EPHX1: variants seen among roughly 807,000 people sequenced by gnomAD.
EPHX1 encodes epoxide hydrolase 1.
Under a neutral mutation model 43.2 loss-of-function variants are expected in EPHX1, and 40 were observed. That is an observed-to-expected ratio of 0.93 (90% CI 0.72 to 1.21). The LOEUF (loss-of-function observed/expected upper bound fraction) is 1.21, where lower values mean the gene tolerates loss of function less well. EPHX1 is among the 50% of genes most tolerant of loss of function. The pLI, the probability that EPHX1 is intolerant of heterozygous loss-of-function variation, is 0.00. For missense variants in EPHX1, 550 were observed against 570.4 expected (o/e 0.96, Z 0.36); for synonymous variants, 221 against 226.7 (o/e 0.98, Z 0.22).
intron 3 of EPHX1, among the ~76,000 whole-genome samples, chr1:225,833,054 G>A (rs1044247129): frequency 2.2e-4 from 33 of 152,182 alleles, no homozygotes; most frequent in African/African-American, 7.7e-4. Flanking sequence ...ATTCACAGGC[G>A]TGATCATGGC....
At chr1:225,816,345 T>TA (rs148728123) in intron 1 of EPHX1, among the ~76,000 whole-genome samples, 18,301 of 151,842 alleles carry the variant, frequency 0.12, 1,257 homozygotes, top group East Asian at 0.23. Context: ...TTTAAAAGAT[T>TA]AAAAAAAGAG....
intron 7 of EPHX1, among the ~76,000 whole-genome samples, chr1:225,843,436 C>T (rs1668604725): frequency 6.6e-6 from 1 of 152,228 alleles, no homozygotes. Context: ...GGCAGGTCCT[C>T]ACCTCCTCCA....
chr1:225,835,006 G>GC (rs1211281628), intron 3 of EPHX1, among the ~76,000 whole-genome samples: 2 of 152,192 alleles, frequency 1.3e-5, no homozygotes, highest in Non-Finnish European at 2.9e-5. Context: ...AGCTTCATGA[G>GC]CCCCACAATC....
At position 225,828,918 on chromosome 1, in the gene EPHX1, G is replaced by A. The variant is rs1667416414; in HGVS notation, c.183+6G>A. ...CGTCAGATGAGGAGATCCACGTAAG[G>A]CACCTTGGGCCGGGCCGGGCTGGGC... On this transcript the variant is annotated splice_donor_region_variant and intron_variant, in intron 2 of 8. Transcript: ENST00000272167. The A allele has an allele frequency of 2.6e-6, 4 of 1,563,436 alleles. No individual in the cohort carries two copies. The highest frequency in any genetic ancestry group is 1.2e-5 in the South Asian group (1 of 86,414).
intron 6 of EPHX1, among the ~76,000 whole-genome samples, chr1:225,842,067 T>C (rs1559026231): frequency 6.6e-6 from 1 of 152,260 alleles, no homozygotes. Flanking sequence ...CACTTCTCAT[T>C]GGGACCCCAC....
chr1:225,827,737 G>A (rs1482568710), intron 1 of EPHX1, among the ~76,000 whole-genome samples: 2 of 152,222 alleles, frequency 1.3e-5, no homozygotes, highest in Non-Finnish European at 2.9e-5. Flanking sequence ...GCACATGTCT[G>A]TGAATATCCT....
At chr1:225,811,733 TAGC>T (rs1341256003) in intron 1 of EPHX1, among the ~76,000 whole-genome samples, 1 of 152,150 alleles carries the variant, frequency 6.6e-6, no homozygotes, top group Non-Finnish European at 1.5e-5. Context: ...TGGTCTGACT[TAGC>T]AGCAAAAACT....
intron 3 of EPHX1, among the ~76,000 whole-genome samples, chr1:225,836,475 G>A (rs1209379799): frequency 1.3e-5 from 2 of 152,168 alleles, no homozygotes; most frequent in Non-Finnish European, 2.9e-5. Context: ...TTGCCCACCT[G>A]TAGTCCCAGC....
At chr1:225,814,956 T>C (rs1011108360) in intron 1 of EPHX1, among the ~76,000 whole-genome samples, 2 of 152,218 alleles carry the variant, frequency 1.3e-5, no homozygotes, top group African/African-American at 4.8e-5. Context: ...TATCCTGCAG[T>C]GATAAGAGAA....
chr1:225,844,371 C>T (rs750345132), intron 7 of EPHX1, 127 bp from the exon 8 acceptor site: 130 of 1,431,124 alleles, frequency 9.1e-5, no homozygotes, highest in Non-Finnish European at 1.1e-4. Context: ...ATACCACACA[C>T]GTTGCATGAG....
At chr1:225,835,278 G>A (rs1192252962) in intron 3 of EPHX1, among the ~76,000 whole-genome samples, 1 of 151,756 alleles carries the variant, frequency 6.6e-6, no homozygotes, top group Non-Finnish European at 1.5e-5. Context: ...GAGTGCAGTG[G>A]TGTGATCACA....
chr1:225,830,583 GC>G, intron 2 of EPHX1, among the ~76,000 whole-genome samples: 2 of 152,280 alleles, frequency 1.3e-5, no homozygotes, highest in East Asian at 3.9e-4. Context: ...TCCTGCCTCA[GC>G]CTCCCAAGTA....
Position 225,845,453 on chromosome 1 carries a change from C to A in EPHX1, c.*106C>A. ...GGAATGAGTTTGCCTCCGTCCCCTG[C>A]CCATGCTGGGAGCCCACGCTCACCC... On this transcript the variant is annotated 3_prime_UTR_variant, in exon 9 of 9. Transcript: ENST00000272167. The A allele has an allele frequency of 4.8e-6, 6 of 1,237,420 alleles. No individual in the cohort carries two copies. Among genetic ancestry groups the A allele is most frequent in the Non-Finnish European group, 6.8e-6 (6 of 888,432 alleles). 76.7% of individuals were successfully genotyped at this position (1,237,420 alleles called of 1,614,324 possible). A position where few individuals can be genotyped will look rare whatever the true frequency, so the allele number is the denominator to read the frequency against.
intron 1 of EPHX1, among the ~76,000 whole-genome samples, chr1:225,819,226 C>CAAAAAAAAAAAAAA (rs1302566204): frequency 6.7e-4 from 3 of 4,500 alleles, no homozygotes; most frequent in African/African-American, 2.3e-3. Context: ...GACTCCGTCT[C>CAAAAAAAAAAAAAA]AAAAAAAAAA....
Position 225,810,136 on chromosome 1 carries a change from C to G in EPHX1, c.-39C>G, listed in dbSNP as rs1455206404. On this transcript the variant is annotated 5_prime_UTR_variant, in exon 1 of 9. Transcript: ENST00000272167. ...GAGCCAGGGAGCCGGAGAGATCGCG[C>G]GCCTGCCGCCGCCGGAGCCTGCGAG... 6.6e-6 allele frequency: 1 copy of G among 151,760 alleles called. No homozygotes were observed. Among genetic ancestry groups the G allele is most frequent in the Non-Finnish European group, 1.5e-5 (1 of 67,802 alleles). 9.4% of individuals were successfully genotyped at this position (151,760 alleles called of 1,614,324 possible).
Position 225,817,821 on chromosome 1 carries a change from G to A in EPHX1, c.-6+7652G>A, listed in dbSNP as rs1382242137. 1.3e-5 allele frequency among the ~76,000 whole-genome samples: 2 copies of A among 152,384 alleles called. No homozygotes were observed. Among genetic ancestry groups the A allele is most frequent in the East Asian group, 3.9e-4 (2 of 5,188 alleles). The stretch of plus-strand genomic sequence containing the variant: ...GGCATTCTGCCCTGCAATGCACTTA[G>A]CCAAGGCCGGGCACATGGCAAGTGC... On this transcript the variant is annotated intron_variant, in intron 1 of 8. Coordinates refer to ENST00000272167, the MANE Select transcript of EPHX1 (RefSeq NM_001136018.4). The surrounding 1 kb of genome is among the most constrained non-coding windows in gnomAD (Gnocchi z 5.7).
At chr1:225,838,299 G>A (rs1047574535) in intron 3 of EPHX1, among the ~76,000 whole-genome samples, 1 of 152,130 alleles carries the variant, frequency 6.6e-6, no homozygotes, top group African/African-American at 2.4e-5. Context: ...TTAAATTATT[G>A]AACAAGTATT....
Position 225,845,402 on chromosome 1 carries a change from T to C in EPHX1, c.*55T>C, listed in dbSNP as rs1668888187. On this transcript the variant is annotated 3_prime_UTR_variant, in exon 9 of 9. Coordinates refer to ENST00000272167, the MANE Select transcript of EPHX1 (RefSeq NM_001136018.4). The stretch of plus-strand genomic sequence containing the variant: ...CCCCCACAAGTGCCCTCCAGGCTTT[T>C]CTTGGGGAAGATACCCCTTTTCTGA... 2.0e-6 allele frequency: 3 copies of C among 1,517,016 alleles called. No individual in the cohort carries two copies. The highest frequency in any genetic ancestry group is 2.7e-6 in the Non-Finnish European group (3 of 1,131,416). 94.0% of individuals were successfully genotyped at this position (1,517,016 alleles called of 1,614,324 possible).
intron 1 of EPHX1, among the ~76,000 whole-genome samples, chr1:225,812,226 C>T (rs971209057): frequency 3.9e-5 from 6 of 152,180 alleles, no homozygotes; most frequent in African/African-American, 1.4e-4. Context: ...GAGCTTTCTG[C>T]GGCCTTCTTC....
Sources: allele counts gnomAD v4.1 joint callset (sites outside exome capture counted in the v4.1 genomes callset), GRCh38; gene constraint gnomAD v4.1.1; non-coding constraint Gnocchi (gnomAD v3.1); transcripts MANE v1.5; gene names NCBI Gene and HGNC (gene_info 2026-07-23, HGNC 2026-07-21).